GRIN2C: variants seen among roughly 807,000 people sequenced by gnomAD.
GRIN2C encodes the protein glutamate ionotropic receptor NMDA type subunit 2C.
Under a neutral mutation model 77.7 loss-of-function variants are expected in GRIN2C, and 64 were observed. That is an observed-to-expected ratio of 0.82 (90% confidence interval 0.67 to 1.01). The LOEUF (loss-of-function observed/expected upper bound fraction) is 1.01. Ranked by LOEUF, GRIN2C falls within the 50% of genes least tolerant of loss-of-function variation. The pLI, the probability that GRIN2C is intolerant of heterozygous loss-of-function variation, is 0.00. For synonymous variants in GRIN2C, 792 were observed against 643.4 expected (o/e 1.23, Z -3.49); for missense variants, 1,549 against 1,486.0 (o/e 1.04, Z -0.70).
Position 74,842,347 on chromosome 17 carries a change from G to A in GRIN2C, c.*88C>T. ...CCATGGCCAGGATTTCATGGCAGAA[G>A]CCAGAAAAGCCCAATCCTGCCTGCC... is the stretch of plus-strand genomic sequence containing the variant. On this transcript the variant is annotated 3_prime_UTR_variant, in exon 13 of 13. Transcript: ENST00000293190. The A allele has an allele frequency of 1.5e-6, 1 of 677,844 alleles. No individual in the cohort carries two copies. The highest frequency in any genetic ancestry group is 2.7e-6 in the Non-Finnish European group (1 of 369,440). The allele number at this position is 677,844 out of a possible 1,614,324, so 42.0% of individuals were successfully genotyped here.
rs1478038686 is a variant in GRIN2C at position 74,850,516 on chromosome 17, G to A, written c.1325+40C>T. The A allele has an allele frequency of 1.3e-6, 2 of 1,593,254 alleles. No individual in the cohort carries two copies. Among genetic ancestry groups the A allele is most frequent in the Non-Finnish European group, 1.7e-6 (2 of 1,162,486 alleles). On this transcript the variant is annotated intron_variant, in intron 5 of 12. Coordinates refer to ENST00000293190, the MANE Select transcript of GRIN2C (RefSeq NM_000835.6). This position sits in a 1 kb window ranked among gnomAD's most constrained non-coding sequence, Gnocchi z 5.3. ...CACGACACCTGACCATCACACGGCAGCACCCAGCTCACACTAGCCTCCCAG... is the reference window on the plus strand; with the variant it reads ...CACGACACCTGACCATCACACGGCAACACCCAGCTCACACTAGCCTCCCAG...
Position 74,846,759 on chromosome 17 carries a change from C to T in GRIN2C, c.2162+1G>A. 6.2e-7 allele frequency: 1 copy of T among 1,613,088 alleles called. No individual in the cohort carries two copies. The highest frequency in any genetic ancestry group is 8.5e-7 in the Non-Finnish European group (1 of 1,179,454). On this transcript the variant is annotated splice_donor_variant, in intron 10 of 12. Transcript: ENST00000293190. LOFTEE classifies it high-confidence loss of function. The surrounding 1 kb of genome is among the most constrained non-coding windows in gnomAD (Gnocchi z 4.4). ...CAGCGGGTGCAGGGCTGGGGACCCACCCCATCTTGAGGCTGGTGAGCGCGT... is the reference window on the plus strand; with the variant it reads ...CAGCGGGTGCAGGGCTGGGGACCCATCCCATCTTGAGGCTGGTGAGCGCGT...
Position 74,854,795 on chromosome 17 carries a change from C to T in GRIN2C, c.298G>A (p.Asp100Asn). 1 of 1,613,982 alleles carries T rather than the reference C, an allele frequency of 6.2e-7. No individual in the cohort carries two copies. Among genetic ancestry groups the T allele is most frequent in the Non-Finnish European group, 8.5e-7 (1 of 1,179,852 alleles). ...AGGATCTGGGCCACCGCCTCGGTGT[C>T]CACGTTGTCCTCAAAGACAATGCCG... ...VHGIVFEDNVDTEAVAQILDF... is the reference protein window; with the variant it reads ...VHGIVFEDNVNTEAVAQILDF... The change falls in exon 2 of 13, where the codon GAC (aspartate) becomes AAC (asparagine). Residue 100 changes from aspartate (D) to asparagine (N), a missense_variant. Transcript: ENST00000293190.
rs746776879 is a variant in GRIN2C at position 74,842,433 on chromosome 17, A to T, written c.*2T>A. 1.2e-5 allele frequency: 9 copies of T among 771,284 alleles called. No homozygotes were observed. The Admixed American group carries it at 1.6e-4, about 14-fold the overall frequency. 47.8% of individuals were successfully genotyped at this position (771,284 alleles called of 1,614,324 possible). ...TGGCTCGGAGCCTGAGTGGCTGATA[A>T]CTCACACTTCTGACTCCAGACTGGA... On this transcript the variant is annotated 3_prime_UTR_variant, in exon 13 of 13. Coordinates refer to ENST00000293190, the MANE Select transcript of GRIN2C (RefSeq NM_000835.6).
upstream of GRIN2C, among the ~76,000 whole-genome samples, chr17:74,860,202 C>G (rs1179957954): frequency 3.9e-5 from 6 of 152,204 alleles, no homozygotes; most frequent in African/African-American, 1.4e-4. Flanking sequence ...GAAACAGGCT[C>G]AAAGTCACTA....
rs1182273775 is a variant in GRIN2C at position 74,847,570 on chromosome 17, C to T, written c.1772-33G>A. ...CAAGAGGCGGGGGGATGCTGGAGCTCCTCCTGCCCACCATGAAAGGGCTCA... is the reference window on the plus strand; with the variant it reads ...CAAGAGGCGGGGGGATGCTGGAGCTTCTCCTGCCCACCATGAAAGGGCTCA... On this transcript the variant is annotated intron_variant, in intron 8 of 12. Coordinates refer to ENST00000293190, the MANE Select transcript of GRIN2C (RefSeq NM_000835.6). This position sits in a 1 kb window ranked among gnomAD's most constrained non-coding sequence, Gnocchi z 5.2. 6.8e-7 allele frequency: 1 copy of T among 1,468,880 alleles called. No individual in the cohort carries two copies. The highest frequency in any genetic ancestry group is 1.8e-5 in the Admixed American group (1 of 56,340). 91.0% of individuals were successfully genotyped at this position (1,468,880 alleles called of 1,614,324 possible). A position where few individuals can be genotyped will look rare whatever the true frequency, so the allele number is the denominator to read the frequency against.
In GRIN2C at chr17:74,852,097, C is replaced by T. The variant is rs758663329; in HGVS notation, c.914G>A (p.Arg305His). 5 of 1,465,812 alleles carry T rather than the reference C, an allele frequency of 3.4e-6. No individual in the cohort carries two copies. The highest frequency in any genetic ancestry group is 1.4e-5 in the South Asian group (1 of 71,982). 90.8% of individuals were successfully genotyped at this position (1,465,812 alleles called of 1,614,324 possible). A position where few individuals can be genotyped will look rare whatever the true frequency, so the allele number is the denominator to read the frequency against. Residue 305 changes from arginine (R) to histidine (H), a missense_variant, in exon 3 of 13, where the codon CGC becomes CAC. Arg to His is a conservative substitution (Grantham distance 29). Coordinates refer to ENST00000293190, the MANE Select transcript of GRIN2C (RefSeq NM_000835.6). ...CGGGGCTGGCAGGGTTCCATGCTGG[C>T]GCCAGTAGCTGTGGGCGCCCAGGGC... ...ILALGAHSYW[R>H]QHGTLPAPAG...
rs564865007 is a variant in GRIN2C at position 74,842,899 on chromosome 17, C to T, written c.3238G>A (p.Ala1080Thr). 10 of 570,904 alleles carry T rather than the reference C, an allele frequency of 1.8e-5. No individual in the cohort carries two copies. The highest frequency in any genetic ancestry group is 1.7e-4 in the South Asian group (8 of 48,046). 35.4% of individuals were successfully genotyped at this position (570,904 alleles called of 1,614,324 possible). ...TCGGCCACGGAGCTGGGCAGGGAAG[C>T]GTGACGCGGGCGCGAGCCCCGGGCC... ...AWARGSRPRHASLPSSVAEAF... is the reference protein window; with the variant it reads ...AWARGSRPRHTSLPSSVAEAF... The change falls in exon 13 of 13, where the codon GCT becomes ACT. Residue 1080 changes from alanine (A) to threonine (T), a missense_variant. By Grantham distance (58) the Ala-to-Thr change is moderately conservative (BLOSUM62 0). This residue lies in a region of GRIN2C where 450 missense variants were observed against 267.9 expected (regional missense o/e 1.68). Transcript: ENST00000293190.
intron 1 of GRIN2C, among the ~76,000 whole-genome samples, chr17:74,857,770 G>C (rs2037855144): frequency 6.6e-6 from 1 of 152,154 alleles, no homozygotes; most frequent in African/African-American, 2.4e-5. Flanking sequence ...TTGGGTACCA[G>C]AAACATCTCT....
chr17:74,855,036 T>C lies in GRIN2C; in HGVS notation c.57A>G (p.Ala19=). ...GCTCGCCCTGCCCCGGACCCAGCCC[T>C]GCCCAGGCACCGAAGAGCGAGGTGA... ...LLLTSLFGAW[A]GLGPGQGEQG... The change falls in exon 2 of 13, where the codon GCA becomes GCG. Residue 19 remains alanine (A), a synonymous_variant. Coordinates refer to ENST00000293190, the MANE Select transcript of GRIN2C (RefSeq NM_000835.6). The C allele has an allele frequency of 1.2e-6, 2 of 1,600,560 alleles. No individual in the cohort carries two copies. Among genetic ancestry groups the C allele is most frequent in the East Asian group, 2.2e-5 (1 of 44,842 alleles).
Position 74,852,281 on chromosome 17 carries a change from C to A in GRIN2C, c.730G>T (p.Gly244Cys). 1 of 1,412,712 alleles carries A rather than the reference C, an allele frequency of 7.1e-7. No homozygotes were observed. 87.5% of individuals were successfully genotyped at this position (1,412,712 alleles called of 1,614,324 possible). A position where few individuals can be genotyped will look rare whatever the true frequency, so the allele number is the denominator to read the frequency against. ...CACACGTGGCCGGGCCCCACCAGAC[C>A]GGCCTGCGCCGCCTCGGCGAAGAGC... Reference protein sequence around the residue: ...EVLFAEAAQAGLVGPGHVWLV... With the variant: ...EVLFAEAAQACLVGPGHVWLV... The change falls in exon 3 of 13, where the codon GGT (glycine) becomes TGT (cysteine). Residue 244 changes from glycine to cysteine, a missense_variant. Physicochemically the swap from Gly to Cys is radical, Grantham distance 159. Coordinates refer to ENST00000293190, the MANE Select transcript of GRIN2C (RefSeq NM_000835.6).
rs2037498833 is a variant in GRIN2C at position 74,847,504 on chromosome 17, G to C, written c.1805C>G (p.Ser602Cys). ...SGGPAFTIGK[S>C]VWLLWALVFN... ...GACCAGCGCCCACAGCAGCCACACG[G>C]ACTTGCCGATAGTGAAAGCTGGGCC... Residue 602 changes from serine (S) to cysteine (C), a missense_variant, in exon 9 of 13, where the codon TCC (serine) becomes TGC (cysteine). This residue lies in a region of GRIN2C where 717 missense variants were observed against 858.1 expected (regional missense o/e 0.84). Transcript: ENST00000293190. This position sits in a 1 kb window ranked among gnomAD's most constrained non-coding sequence, Gnocchi z 5.2. 2.5e-6 allele frequency: 4 copies of C among 1,613,902 alleles called. No homozygotes were observed. In the South Asian group the frequency reaches 4.4e-5, roughly 18 times the overall value.
At position 74,846,119 on chromosome 17, in the gene GRIN2C, T is replaced by A. The variant is rs765012500; in HGVS notation, c.2297A>T (p.Asp766Val). 12 of 1,613,872 alleles carry A rather than the reference T, an allele frequency of 7.4e-6. No homozygotes were observed. Among genetic ancestry groups the A allele is most frequent in the Admixed American group, 3.3e-5 (2 of 59,986 alleles). The stretch of plus-strand genomic sequence containing the variant: ...GTCTATGGCCCGCTTCCAGTGGGAG[T>A]CCTTCTGCATGGCGATGCCGTAGCC... ...TTGYGIAMQK[D>V]SHWKRAIDLA... The change falls in exon 11 of 13, where the codon GAC becomes GTC. Residue 766 changes from aspartate (D) to valine (V), a missense_variant. Physicochemically the swap from Asp to Val is radical, Grantham distance 152. Coordinates refer to ENST00000293190, the MANE Select transcript of GRIN2C (RefSeq NM_000835.6). This position sits in a 1 kb window ranked among gnomAD's most constrained non-coding sequence, Gnocchi z 4.4.
In GRIN2C at chr17:74,846,919, A is replaced by AACTGCAGGCGGAGGGCAGCAGCC; in HGVS notation, c.2002-22_2002dup (p.Phe668TrpfsTer114). 6.2e-7 allele frequency: 1 copy of AACTGCAGGCGGAGGGCAGCAGCC among 1,605,636 alleles called. No individual in the cohort carries two copies. The highest frequency in any genetic ancestry group is 8.5e-7 in the Non-Finnish European group (1 of 1,173,916). On this transcript the variant is annotated frameshift_variant and splice_region_variant, in exon 10 of 13. Transcript: ENST00000293190. LOFTEE classifies it high-confidence loss of function. This position sits in a 1 kb window ranked among gnomAD's most constrained non-coding sequence, Gnocchi z 4.4. ...TGGGTACTGATCTTGAGGCCGCTGA[A>AACTGCAGGCGGAGGGCAGCAGCC]ACTGCAGGCGGAGGGCAGCAGCCAG...
rs529054281 is a variant in GRIN2C at position 74,859,519 on chromosome 17, T to A, written c.-16+225A>T. Among the ~76,000 whole-genome samples, 242 of 150,510 alleles carry A rather than the reference T, an allele frequency of 1.6e-3. No homozygotes were observed. Among genetic ancestry groups the A allele is most frequent in the African/African-American group, 5.7e-3 (235 of 40,870 alleles). On this transcript the variant is annotated intron_variant, in intron 1 of 12. Transcript: ENST00000293190. The surrounding 1 kb of genome is among the most constrained non-coding windows in gnomAD (Gnocchi z 5.9). ...ACCCCCGGACCCCCTGCCCTTCCGGTGAGCCGCCCCTCCTTTGCCGTCGGG... is the reference window on the plus strand; with the variant it reads ...ACCCCCGGACCCCCTGCCCTTCCGGAGAGCCGCCCCTCCTTTGCCGTCGGG...
chr17:74,854,451 A>G, intron 2 of GRIN2C: 1 of 466,102 alleles, frequency 2.1e-6, no homozygotes, highest in Admixed American at 3.9e-5. Context: ...CCCCACAGCC[A>G]GAGGGTGGGC....
chr17:74,847,128 G>A lies in GRIN2C; in HGVS notation c.2001+180C>T, dbSNP rs963258352. 2.8e-5 allele frequency: 20 copies of A among 717,334 alleles called. No homozygotes were observed. Among genetic ancestry groups the A allele is most frequent in the South Asian group, 7.5e-5 (4 of 53,690 alleles). The allele number at this position is 717,334 out of a possible 1,614,324, so 44.4% of individuals were successfully genotyped here. On this transcript the variant is annotated intron_variant, in intron 9 of 12. Coordinates refer to ENST00000293190, the MANE Select transcript of GRIN2C (RefSeq NM_000835.6). This position sits in a 1 kb window ranked among gnomAD's most constrained non-coding sequence, Gnocchi z 5.2. ...GAGACTTACCCAAGGCCTCTCAGCC[G>A]GTGGCCCTGAGCCATCTCTTGCCCC...
In GRIN2C at chr17:74,850,279, T is replaced by C; in HGVS notation, c.1418A>G (p.Tyr473Cys). 2 of 1,613,770 alleles carry C rather than the reference T, an allele frequency of 1.2e-6. No individual in the cohort carries two copies. Among genetic ancestry groups the C allele is most frequent in the African/African-American group, 1.3e-5 (1 of 74,992 alleles). Residue 473 changes from tyrosine to cysteine, a missense_variant, in exon 6 of 13, where the codon TAC (tyrosine) becomes TGC (cysteine). By Grantham distance (194) the Tyr-to-Cys change is radical (BLOSUM62 -2). Around this residue, in one of 3 missense-constraint regions of GRIN2C, gnomAD observed 717 missense variants for 858.1 expected, o/e 0.84. Coordinates refer to ENST00000293190, the MANE Select transcript of GRIN2C (RefSeq NM_000835.6). The surrounding 1 kb of genome is among the most constrained non-coding windows in gnomAD (Gnocchi z 5.3). ...KKLARVVKFS[Y>C]DLYLVTNGKH... ...GCCGTTGGTCACCAGGTACAGGTCG[T>C]AGGAGAATTTGACCACTCTGGCCAG...
rs2037444985 is a variant in GRIN2C at position 74,846,051 on chromosome 17, A to C, written c.2350+15T>G. ...CACAGCCCACCCTGGGCATCCCAGC[A>C]ATGGCAGTACCCACCGTCCCCCAGG... On this transcript the variant is annotated intron_variant, in intron 11 of 12. Coordinates refer to ENST00000293190, the MANE Select transcript of GRIN2C (RefSeq NM_000835.6). This position sits in a 1 kb window ranked among gnomAD's most constrained non-coding sequence, Gnocchi z 4.4. The C allele has an allele frequency of 6.2e-7, 1 of 1,610,954 alleles. No homozygotes were observed. Among genetic ancestry groups the C allele is most frequent in the African/African-American group, 1.3e-5 (1 of 74,848 alleles).
Sources: allele counts gnomAD v4.1 joint callset (sites outside exome capture counted in the v4.1 genomes callset), GRCh38; gene constraint gnomAD v4.1.1; regional missense constraint gnomAD v4.1.1; non-coding constraint Gnocchi (gnomAD v3.1); transcripts MANE v1.5; gene names NCBI Gene and HGNC (gene_info 2026-07-23, HGNC 2026-07-21).